Variants in NUP210 observed in about 807,000 individuals in gnomAD.
NUP210 encodes the protein nuclear pore membrane glycoprotein 210.
A neutral mutation model predicts 196.0 loss-of-function variants in NUP210; 151 were observed. The ratio of observed to expected loss-of-function variants is 0.77; its 90% CI spans 0.67 to 0.88. The LOEUF is 0.88. NUP210 is among the 40% of genes least tolerant of loss of function. NUP210 has a pLI of 0.00. For synonymous variants in NUP210, 1,070 were observed against 1,052.7 expected (o/e 1.02, Z -0.32); for missense variants, 2,314 against 2,493.7 (o/e 0.93, Z 1.53).
chr3:13,373,019 C>T (rs1698783276), intron 12 of NUP210, among the ~76,000 whole-genome samples: 1 of 152,176 alleles, frequency 6.6e-6, no homozygotes. Context: ...ATAGAGGTGG[C>T]TCTGGGTCTC....
At chr3:13,370,378 T>A (rs1160579210) in intron 13 of NUP210, among the ~76,000 whole-genome samples, 1 of 152,154 alleles carries the variant, frequency 6.6e-6, no homozygotes, top group Non-Finnish European at 1.5e-5. Context: ...AGAGCTGTCA[T>A]CCCATTTTAC....
chr3:13,384,454 G>C (rs1259000417), intron 6 of NUP210, among the ~76,000 whole-genome samples: 1 of 152,162 alleles, frequency 6.6e-6, no homozygotes, highest in Non-Finnish European at 1.5e-5. Context: ...AGAGCTGTTG[G>C]GTTATATCCA....
chr3:13,338,595 T>C (rs4684128), intron 25 of NUP210, among the ~76,000 whole-genome samples: 94,318 of 152,124 alleles, frequency 0.62, 30,782 homozygotes, highest in African/African-American at 0.84. Flanking sequence ...GCTCAGTCTC[T>C]TCCTGCTAGT....
Position 13,352,175 on chromosome 3 carries a change from G to C in NUP210, c.2638C>G (p.Leu880Val). 2 of 1,612,940 alleles carry C rather than the reference G, an allele frequency of 1.2e-6. No individual in the cohort carries two copies. The highest frequency in any genetic ancestry group is 1.7e-6 in the Non-Finnish European group (2 of 1,179,448). Residue 880 changes from leucine to valine, a missense_variant, in exon 19 of 40, where the codon CTG becomes GTG. By Grantham distance (32) the Leu-to-Val change is conservative. Transcript: ENST00000254508. ...TCTATGGAGGCCGACAGAGGCACCA[G>C]AGGGTCATGCTGAAGGACAAGGGCA... is the stretch of plus-strand genomic sequence containing the variant. ...SARTKQPHDPLVPLSASIELI... is the reference protein window; with the variant it reads ...SARTKQPHDPVVPLSASIELI...
At chr3:13,413,263 C>T (rs1377408819) in intron 1 of NUP210, among the ~76,000 whole-genome samples, 11 of 151,704 alleles carry the variant, frequency 7.3e-5, no homozygotes, top group African/African-American at 1.9e-4. Flanking sequence ...GTCAGGAGAT[C>T]GAGACCATCC....
In NUP210 at chr3:13,322,374, G is replaced by A. The variant is rs62232824; in HGVS notation, c.4769-35C>T. The A allele has an allele frequency of 3.4e-3, 5,436 of 1,608,628 alleles. 13 individuals carry two copies. Among genetic ancestry groups the A allele is most frequent in the Non-Finnish European group, 4.3e-3 (4,998 of 1,175,896 alleles). ...GGAGAGACGAGAGGGTGTGGGCCAGGCCCGATGGCCACCACACCAAATTCC... is the reference window on the plus strand; with the variant it reads ...GGAGAGACGAGAGGGTGTGGGCCAGACCCGATGGCCACCACACCAAATTCC... On this transcript the variant is annotated intron_variant, in intron 34 of 39. Coordinates refer to ENST00000254508, the MANE Select transcript of NUP210 (RefSeq NM_024923.4).
chr3:13,366,005 T>C lies in NUP210; in HGVS notation c.1873A>G (p.Arg625Gly). The change falls in exon 14 of 40, where the codon AGA (arginine) becomes GGA (glycine). Residue 625 changes from arginine (R) to glycine (G), a missense_variant. Physicochemically the swap from Arg to Gly is moderately radical, Grantham distance 125. Transcript: ENST00000254508. ...GCACTCAGGTGGACGTGGCCGTGTC[T>C]GTAGCTCACAAGAAGCGTGGTAGAG... The part of the protein sequence containing the change: ...QGSTTLLVSY[R>G]HGHVHLSAKI... The C allele has an allele frequency of 1.2e-6, 2 of 1,614,250 alleles. No individual in the cohort carries two copies. The highest frequency in any genetic ancestry group is 1.6e-4 in the Middle Eastern group (1 of 6,062).
chr3:13,330,459 C>T lies in NUP210; in HGVS notation c.4110+1G>A. ...CAAAAAGGAGGAGAATGCAACCCTA[C>T]CTTTACAGCAACAATGATGGTTTGG... is the stretch of plus-strand genomic sequence containing the variant. On this transcript the variant is annotated splice_donor_variant, in intron 30 of 39. Coordinates refer to ENST00000254508, the MANE Select transcript of NUP210 (RefSeq NM_024923.4). LOFTEE classifies it high-confidence loss of function. 1.2e-6 allele frequency: 2 copies of T among 1,613,810 alleles called. No individual in the cohort carries two copies. Among genetic ancestry groups the T allele is most frequent in the Non-Finnish European group, 8.5e-7 (1 of 1,179,802 alleles).
At chr3:13,332,844 C>A (rs1697054016) in intron 28 of NUP210, among the ~76,000 whole-genome samples, 1 of 152,208 alleles carries the variant, frequency 6.6e-6, no homozygotes, top group African/African-American at 2.4e-5. Context: ...TCCCTCCGTG[C>A]CCAGTGAGGA....
intron 12 of NUP210, 91 bp from the exon 13 acceptor site, chr3:13,372,123 A>G: frequency 8.4e-7 from 1 of 1,190,718 alleles, no homozygotes; most frequent in Non-Finnish European, 1.2e-6. Context: ...CTGTGTGCTG[A>G]GCACTGAGGA....
At chr3:13,391,352 C>T (rs956753129) in intron 3 of NUP210, 45 bp from the exon 4 acceptor site, 6 of 1,360,224 alleles carry the variant, frequency 4.4e-6, no homozygotes, top group Admixed American at 1.9e-5. Flanking sequence ...GAGTTAATTT[C>T]CCAGGGTGGA....
chr3:13,338,570 T>G (rs1697324124), intron 25 of NUP210, among the ~76,000 whole-genome samples: 1 of 152,302 alleles, frequency 6.6e-6, no homozygotes, highest in South Asian at 2.1e-4. Context: ...TTCCCCTCCT[T>G]TCACTCATCT....
At chr3:13,381,405 C>A (rs1353316081) in intron 6 of NUP210, among the ~76,000 whole-genome samples, 1 of 109,808 alleles carries the variant, frequency 9.1e-6, no homozygotes, top group Admixed American at 8.5e-5. Context: ...CTTTTTCTTT[C>A]TTTTCTTTTC....
intron 1 of NUP210, among the ~76,000 whole-genome samples, chr3:13,417,565 A>T (rs1410957090): frequency 6.6e-6 from 1 of 152,198 alleles, no homozygotes; most frequent in East Asian, 1.9e-4. Context: ...CAGCTCTTAA[A>T]ATCTCCAGAG....
Position 13,319,798 on chromosome 3 carries a change from ACT to A in NUP210, c.5346_5347del (p.Val1783GlyfsTer157). 1.9e-6 allele frequency: 3 copies of A among 1,614,218 alleles called. No individual in the cohort carries two copies. The highest frequency in any genetic ancestry group is 2.5e-6 in the Non-Finnish European group (3 of 1,180,028). ...CCCACGGCGATCCACCACAAAAGCC[ACT>A]GTCACTGGGATGGCAATGGCTTGGT... On this transcript the variant is annotated frameshift_variant, in exon 37 of 40. Coordinates refer to ENST00000254508, the MANE Select transcript of NUP210 (RefSeq NM_024923.4). LOFTEE classifies it high-confidence loss of function.
At chr3:13,332,849 T>C (rs188426048) in intron 28 of NUP210, among the ~76,000 whole-genome samples, 2 of 152,280 alleles carry the variant, frequency 1.3e-5, no homozygotes, top group Admixed American at 6.5e-5. Flanking sequence ...CCGTGCCCAG[T>C]GAGGAAGAAC....
At chr3:13,402,997 T>C (rs1281276358) in intron 1 of NUP210, among the ~76,000 whole-genome samples, 2 of 152,222 alleles carry the variant, frequency 1.3e-5, no homozygotes, top group South Asian at 2.1e-4. Context: ...ACACCTGCCA[T>C]GGCAGTATCC....
At chr3:13,337,212 A>T (rs1322789206) in intron 26 of NUP210, among the ~76,000 whole-genome samples, 1 of 152,200 alleles carries the variant, frequency 6.6e-6, no homozygotes, top group African/African-American at 2.4e-5. Context: ...CCCCAGCAGC[A>T]CAGCTCGTGC....
At chr3:13,365,096 T>C (rs1008284077) in intron 14 of NUP210, among the ~76,000 whole-genome samples, 3 of 152,128 alleles carry the variant, frequency 2.0e-5, no homozygotes, top group Non-Finnish European at 4.4e-5. Context: ...TCCTGCAAGC[T>C]AGGCAGAGTT....
Sources: allele counts gnomAD v4.1 joint callset (sites outside exome capture counted in the v4.1 genomes callset), GRCh38; gene constraint gnomAD v4.1.1; transcripts MANE v1.5; gene names NCBI Gene and HGNC (gene_info 2026-07-23, HGNC 2026-07-21).